The following ACTR3C variants were observed in gnomAD, a reference collection of about 807,000 sequenced individuals.
ACTR3C encodes the protein actin related protein 3C, also known as actin-related protein 3C.
ACTR3C carries 18 observed loss-of-function variants against 26.3 expected under a neutral mutation model. That is an observed-to-expected ratio of 0.68 (90% CI 0.47 to 1.01). ACTR3C has a LOEUF of 1.01. ACTR3C is among the 50% of genes least tolerant of loss of function. The pLI, the probability that ACTR3C is intolerant of heterozygous loss-of-function variation, is 0.00. For missense variants in ACTR3C, 184 were observed against 250.7 expected, an observed-to-expected ratio of 0.73 and a Z score of 1.80; for synonymous variants, 55 against 94.5, an observed-to-expected ratio of 0.58 and a Z score of 2.42.
At chr7:150,177,630 CA>C in the ACTR3C span, among the ~76,000 whole-genome samples, 2 of 150,804 alleles carry the variant, frequency 1.3e-5, no homozygotes, top group Admixed American at 1.3e-4. Context: ...CTCATCAATA[CA>C]AAAGCTTCTC....
chr7:149,936,474 G>T, the ACTR3C span, among the ~76,000 whole-genome samples: 1 of 152,194 alleles, frequency 6.6e-6, no homozygotes, highest in Non-Finnish European at 1.5e-5. Context: ...AGCATAGTTT[G>T]TTAGGGGAAA....
the ACTR3C span, among the ~76,000 whole-genome samples, chr7:150,038,015 CT>C: frequency 6.5e-5 from 9 of 138,526 alleles, no homozygotes; most frequent in Admixed American, 3.5e-4. Context: ...GCCTCCCCCC[CT>C]GCTATGGTGG....
the ACTR3C span, among the ~76,000 whole-genome samples, chr7:150,209,278 G>A: frequency 1.4e-5 from 2 of 144,538 alleles, no homozygotes; most frequent in African/African-American, 5.8e-5. Flanking sequence ...GAGAGAGAGA[G>A]AGACAGAAAC....
the ACTR3C span, among the ~76,000 whole-genome samples, chr7:150,061,630 G>T: frequency 2.5e-5 from 1 of 39,236 alleles, no homozygotes; most frequent in African/African-American, 8.0e-5. Flanking sequence ...AGAGAGTTTG[G>T]GTTCAAACCC....
the ACTR3C span, among the ~76,000 whole-genome samples, chr7:150,039,569 G>C: frequency 4.0e-5 from 6 of 148,202 alleles, no homozygotes; most frequent in East Asian, 2.1e-4. Context: ...AGAGGGACTG[G>C]CTCTCAGTAA....
the ACTR3C span, among the ~76,000 whole-genome samples, chr7:149,999,913 C>T: frequency 8.9e-4 from 136 of 152,074 alleles, 1 homozygote; most frequent in African/African-American, 3.2e-3. Flanking sequence ...ATATAAATCA[C>T]GTTGACCTTT....
At chr7:149,903,612 A>G in the ACTR3C span, among the ~76,000 whole-genome samples, 3 of 151,412 alleles carry the variant, frequency 2.0e-5, no homozygotes, top group Non-Finnish European at 4.4e-5. Context: ...CGCAATCACA[A>G]CTCACTCCAG....
chr7:150,036,585 T>C, the ACTR3C span, among the ~76,000 whole-genome samples: 930 of 137,232 alleles, frequency 6.8e-3, 1 homozygote, highest in African/African-American at 0.021. Flanking sequence ...TACAAAGGCT[T>C]GGCTAATACT....
chr7:150,152,826 T>C, the ACTR3C span, among the ~76,000 whole-genome samples: 1 of 152,288 alleles, frequency 6.6e-6, no homozygotes, highest in East Asian at 1.9e-4. Context: ...AGCCTGTTAT[T>C]GGTCTATTCA....
At chr7:149,960,692 C>T in the ACTR3C span, among the ~76,000 whole-genome samples, 1 of 152,078 alleles carries the variant, frequency 6.6e-6, no homozygotes, top group Non-Finnish European at 1.5e-5. Context: ...AGAAAAAACA[C>T]AGGTCCCAGT....
At chr7:150,224,767 C>T in the ACTR3C span, among the ~76,000 whole-genome samples, 1 of 152,166 alleles carries the variant, frequency 6.6e-6, no homozygotes, top group South Asian at 2.1e-4. Flanking sequence ...TGTGTTCCAC[C>T]TCCTTGAGGG....
the ACTR3C span, among the ~76,000 whole-genome samples, chr7:150,197,650 T>G: frequency 1.3e-5 from 2 of 152,220 alleles, no homozygotes; most frequent in Admixed American, 1.3e-4. Flanking sequence ...GAATTACCCC[T>G]TTCCAGAGCT....
downstream of ACTR3C, among the ~76,000 whole-genome samples, chr7:150,242,828 G>A (rs1832263027): frequency 6.6e-6 from 1 of 152,118 alleles, no homozygotes; most frequent in South Asian, 2.1e-4. Flanking sequence ...CTGTGAAGAG[G>A]AAATACCTTT....
the ACTR3C span, among the ~76,000 whole-genome samples, chr7:150,189,392 CTT>C: frequency 6.6e-6 from 1 of 152,166 alleles, no homozygotes; most frequent in Non-Finnish European, 1.5e-5. Flanking sequence ...CCCCAAATAT[CTT>C]GTGTGTGCAC....
chr7:149,997,283 C>T, the ACTR3C span, among the ~76,000 whole-genome samples: 3 of 152,230 alleles, frequency 2.0e-5, no homozygotes, highest in East Asian at 1.9e-4. Context: ...AACTTTGCAA[C>T]GTGACCTCTT....
At chr7:149,898,493 C>G in the ACTR3C span, among the ~76,000 whole-genome samples, 1 of 152,120 alleles carries the variant, frequency 6.6e-6, no homozygotes, top group African/African-American at 2.4e-5. Flanking sequence ...ATCACAAGGT[C>G]AAGAGATCGA....
chr7:150,068,649 G>A, the ACTR3C span, among the ~76,000 whole-genome samples: 1 of 150,902 alleles, frequency 6.6e-6, no homozygotes, highest in East Asian at 1.9e-4. Flanking sequence ...CGGGTGTGGT[G>A]GCGGGCACCT....
the ACTR3C span, among the ~76,000 whole-genome samples, chr7:150,065,705 G>A: frequency 6.6e-6 from 1 of 150,626 alleles, no homozygotes; most frequent in Non-Finnish European, 1.5e-5. Flanking sequence ...TCAAGCCATG[G>A]GCTTTGTCCA....
At chr7:149,915,936 C>T in the ACTR3C span, among the ~76,000 whole-genome samples, 1 of 150,940 alleles carries the variant, frequency 6.6e-6, no homozygotes, top group Admixed American at 6.6e-5. Context: ...AAATTCTATA[C>T]AACCATCAAA....
Sources: gnomAD v4.1 joint callset for allele counts (sites outside exome capture counted in the v4.1 genomes callset) on GRCh38, gnomAD v4.1.1 for gene constraint, MANE v1.5 for transcripts, NCBI Gene and HGNC (gene_info 2026-07-23, HGNC 2026-07-21) for gene names.